Variants in SRFBP1 observed in about 807,000 individuals in gnomAD.
SRFBP1 encodes serum response factor binding protein 1, also known as serum response factor-binding protein 1.
Under a neutral mutation model 45.5 loss-of-function variants are expected in SRFBP1, and 47 were observed. That is an observed-to-expected ratio of 1.03 (90% CI 0.82 to 1.32). SRFBP1 has a LOEUF of 1.32. Ranked by LOEUF, SRFBP1 falls within the 40% of genes most tolerant of loss-of-function variation. The pLI is 0.00. For missense variants in SRFBP1, 621 were observed against 484.6 expected (o/e 1.28, Z -2.64); for synonymous variants, 203 against 166.3 (o/e 1.22, Z -1.70).
chr5:122,012,258 A>G (rs1267969524), intron 4 of SRFBP1, among the ~76,000 whole-genome samples: 1 of 152,112 alleles, frequency 6.6e-6, no homozygotes, highest in Non-Finnish European at 1.5e-5. Flanking sequence ...ATTCTTAAGA[A>G]TAAAATTAAA....
chr5:122,077,514 G>T (rs770854063), downstream of SRFBP1: 26 of 1,613,712 alleles, frequency 1.6e-5, no homozygotes, highest in Admixed American at 4.2e-4. The surrounding 1 kb of genome is among the most constrained non-coding windows in gnomAD (Gnocchi z 4.9). Flanking sequence ...CTGGGCGGCC[G>T]CAGGTTACTG....
chr5:122,063,853 C>A (rs1754230078), intron 2 of SRFBP1: 2 of 151,880 alleles, frequency 1.3e-5, no homozygotes, highest in African/African-American at 4.8e-5. Flanking sequence ...TGTGACTATC[C>A]TATGAGATTT....
At chr5:122,056,006 A>G (rs1754071179) in intron 2 of SRFBP1, among the ~76,000 whole-genome samples, 1 of 152,134 alleles carries the variant, frequency 6.6e-6, no homozygotes, top group Non-Finnish European at 1.5e-5. Flanking sequence ...TTTCTTCAGG[A>G]CTCAAACTGC....
At chr5:122,022,285 T>G (rs916195726) in intron 6 of SRFBP1, 85 bp from the exon 7 acceptor site, 3 of 1,200,334 alleles carry the variant, frequency 2.5e-6, no homozygotes, top group Non-Finnish European at 2.4e-6. Flanking sequence ...TTTGAATTAG[T>G]TTTATCATCA....
intron 2 of SRFBP1, among the ~76,000 whole-genome samples, chr5:122,041,852 G>A (rs1429142463): frequency 1.3e-5 from 2 of 152,042 alleles, no homozygotes; most frequent in Non-Finnish European, 2.9e-5. Context: ...TACAATAATA[G>A]CAATGATATT....
intron 3 of SRFBP1, among the ~76,000 whole-genome samples, chr5:121,978,434 G>A (rs982593094): frequency 2.6e-5 from 4 of 152,088 alleles, no homozygotes; most frequent in Non-Finnish European, 5.9e-5. Context: ...GATGTGCAAC[G>A]TGTTTTCAGA....
intron 2 of SRFBP1, 83 bp downstream of exon 2, chr5:121,974,367 G>T: frequency 4.1e-6 from 4 of 969,032 alleles, no homozygotes; most frequent in Non-Finnish European, 4.8e-6. Context: ...GTTTAGGGTG[G>T]GATATAGAGA....
intron 2 of SRFBP1, among the ~76,000 whole-genome samples, chr5:122,061,090 T>C (rs994947105): frequency 6.6e-6 from 1 of 152,000 alleles, no homozygotes; most frequent in Non-Finnish European, 1.5e-5. Context: ...TGTGTGGCAA[T>C]GGTTTAGCTC....
At position 122,020,420 on chromosome 5, in the gene SRFBP1, ACT is replaced by A. The variant is rs760966769; in HGVS notation, c.688_689del (p.Leu230LysfsTer10). On this transcript the variant is annotated frameshift_variant, in exon 6 of 8. Transcript: ENST00000339397. LOFTEE classifies it high-confidence loss of function. ...QKTPADPKLK[T>X]LSQTKKNKGS... ...GACACCTGCTGACCCAAAACTGAAAACTCTAAGTCAAACCAAAAAAAACAAAG... is the reference window on the plus strand; with the variant it reads ...GACACCTGCTGACCCAAAACTGAAAACTAAGTCAAACCAAAAAAAACAAAG... 1.9e-4 allele frequency: 307 copies of A among 1,613,778 alleles called. No homozygotes were observed. The highest frequency in any genetic ancestry group is 2.5e-4 in the Non-Finnish European group (292 of 1,179,954).
intron 4 of SRFBP1, among the ~76,000 whole-genome samples, chr5:122,009,630 C>T (rs1753048433): frequency 6.6e-6 from 1 of 152,090 alleles, no homozygotes; most frequent in South Asian, 2.1e-4. Flanking sequence ...AGTAGGGTGA[C>T]CACAAATAGT....
intron 4 of SRFBP1, among the ~76,000 whole-genome samples, chr5:122,002,377 A>G (rs147683075): frequency 7.1e-4 from 108 of 152,264 alleles, no homozygotes; most frequent in African/African-American, 2.3e-3. Context: ...GGATTTTCCT[A>G]TGTTTACTTT....
At chr5:121,982,316 C>T (rs966207090) in intron 3 of SRFBP1, among the ~76,000 whole-genome samples, 4 of 151,864 alleles carry the variant, frequency 2.6e-5, no homozygotes, top group Non-Finnish European at 4.4e-5. Flanking sequence ...GTATATAATG[C>T]TCTCCTCACA....
chr5:121,996,927 G>T (rs990851436), intron 4 of SRFBP1, among the ~76,000 whole-genome samples: 4 of 146,810 alleles, frequency 2.7e-5, no homozygotes, highest in Non-Finnish European at 4.4e-5. Flanking sequence ...GCTTCAAAGA[G>T]AATAAAATAC....
chr5:122,077,073 T>A (rs1359924965), downstream of SRFBP1: 1 of 1,581,712 alleles, frequency 6.3e-7, no homozygotes, highest in Non-Finnish European at 8.6e-7. The surrounding 1 kb of genome is among the most constrained non-coding windows in gnomAD (Gnocchi z 4.9). Context: ...CCTACCCCTC[T>A]AGGTCCCTTA....
At chr5:121,972,538 A>G (rs1198718155) in intron 1 of SRFBP1, among the ~76,000 whole-genome samples, 1 of 151,940 alleles carries the variant, frequency 6.6e-6, no homozygotes, top group Non-Finnish European at 1.5e-5. Context: ...TGCTGTTGGC[A>G]TATGACAATG....
chr5:122,030,911 A>G (rs1753579943), downstream of SRFBP1, among the ~76,000 whole-genome samples: 1 of 152,196 alleles, frequency 6.6e-6, no homozygotes, highest in African/African-American at 2.4e-5. Context: ...ATAAGTTATG[A>G]CATATTTTTT....
intron 4 of SRFBP1, among the ~76,000 whole-genome samples, chr5:122,006,679 T>G (rs1306004142): frequency 2.6e-5 from 4 of 152,172 alleles, no homozygotes; most frequent in Non-Finnish European, 5.9e-5. Context: ...AGTTCTGCTG[T>G]TGGTGTTCTC....
chr5:122,076,007 A>G (rs1754617545), downstream of SRFBP1: 1 of 152,330 alleles, frequency 6.6e-6, no homozygotes, highest in African/African-American at 2.4e-5. Flanking sequence ...AATAACTCTA[A>G]AAGAGCATAC....
chr5:122,055,354 A>T (rs1014766846), intron 2 of SRFBP1, among the ~76,000 whole-genome samples: 1 of 152,196 alleles, frequency 6.6e-6, no homozygotes, highest in African/African-American at 2.4e-5. Flanking sequence ...ATTTCAGCAT[A>T]TAAGCTTGAG....
Sources: gnomAD v4.1 joint callset for allele counts (sites outside exome capture counted in the v4.1 genomes callset) on GRCh38, gnomAD v4.1.1 for gene constraint, Gnocchi (gnomAD v3.1) non-coding constraint, MANE v1.5 for transcripts, NCBI Gene and HGNC (gene_info 2026-07-23, HGNC 2026-07-21) for gene names.